Variants in ANO8 observed in about 807,000 individuals in gnomAD.
ANO8 encodes anoctamin 8, also known as anoctamin-8.
In ANO8, 67 loss-of-function variants were observed where a neutral mutation model predicts 120.4. That is an observed-to-expected ratio of 0.56 (90% CI 0.46 to 0.68). The LOEUF (loss-of-function observed/expected upper bound fraction) is 0.68. Among genes scored for constraint, ANO8 ranks in the 30% least tolerant of loss-of-function variants. The probability of loss-of-function intolerance (pLI) is 0.00; values close to 1 mark genes in which losing one functional copy is unlikely to be tolerated. For missense variants in ANO8, 1,526 were observed against 1,737.6 expected, an observed-to-expected ratio of 0.88 and a Z score of 2.16; for synonymous variants, 727 against 759.2, an observed-to-expected ratio of 0.96 and a Z score of 0.70.
At position 17,327,547 on chromosome 19, in the gene ANO8, A is replaced by G. The variant is rs2074280918; in HGVS notation, c.2441T>C (p.Val814Ala). The G allele has an allele frequency of 6.2e-7, 1 of 1,613,418 alleles. No individual in the cohort carries two copies. The highest frequency in any genetic ancestry group is 8.5e-7 in the Non-Finnish European group (1 of 1,179,874). Residue 814 changes from valine to alanine, a missense_variant, in exon 15 of 18, where the codon GTC (valine) becomes GCC (alanine). Physicochemically the swap from Val to Ala is moderately conservative, Grantham distance 64 (BLOSUM62 0). This residue lies in a region of ANO8 where 77 missense variants were observed against 131.5 expected (regional missense o/e 0.59). Coordinates refer to ENST00000159087, the MANE Select transcript of ANO8 (RefSeq NM_020959.3). ...QWQKVMEAMG[V>A]LAIVVNCYLI... ...GTAGCAGTTGACCACAATCGCTAGGACACCCATGGCCTCCATCACCTTCTG... is the reference window on the plus strand; with the variant it reads ...GTAGCAGTTGACCACAATCGCTAGGGCACCCATGGCCTCCATCACCTTCTG...
Position 17,330,874 on chromosome 19 carries a change from A to G in ANO8, c.947T>C (p.Leu316Pro). 6.2e-7 allele frequency: 1 copy of G among 1,614,124 alleles called. No homozygotes were observed. Among genetic ancestry groups the G allele is most frequent in the African/African-American group, 1.3e-5 (1 of 75,030 alleles). ...GAELAYKWGTLDSPGEAVEEP... is the reference protein window; with the variant it reads ...GAELAYKWGTPDSPGEAVEEP... ...CTCCACGGCTTCCCCAGGTGAGTCC[A>G]GCGTCCCCCACTTATATGCCAGCTC... Residue 316 changes from leucine (L) to proline (P), a missense_variant, in exon 8 of 18, where the codon CTG (leucine) becomes CCG (proline). Physicochemically the swap from Leu to Pro is moderately conservative, Grantham distance 98 (BLOSUM62 -3). This residue lies in a region of ANO8 where 322 missense variants were observed against 431.8 expected (regional missense o/e 0.75). Coordinates refer to ENST00000159087, the MANE Select transcript of ANO8 (RefSeq NM_020959.3).
chr19:17,332,541 A>T (rs772856808), intron 5 of ANO8, among the ~76,000 whole-genome samples: 1 of 152,146 alleles, frequency 6.6e-6, no homozygotes, highest in Non-Finnish European at 1.5e-5. Context: ...CTGTAAGTGG[A>T]GTGCTGTCCA....
chr19:17,333,631 G>T lies in ANO8; in HGVS notation c.217+59C>A. ...CTCCTACGTATTCCCGTTCTGGGAA[G>T]CCGAGCTCAGGAGAGCCGCATCTGG... On this transcript the variant is annotated intron_variant, in intron 2 of 17. Coordinates refer to ENST00000159087, the MANE Select transcript of ANO8 (RefSeq NM_020959.3). The surrounding 1 kb of genome is among the most constrained non-coding windows in gnomAD (Gnocchi z 7.2). 4 of 1,516,610 alleles carry T rather than the reference G, an allele frequency of 2.6e-6. No individual in the cohort carries two copies. The highest frequency in any genetic ancestry group is 2.7e-6 in the Non-Finnish European group (3 of 1,120,570). 93.9% of individuals were successfully genotyped at this position (1,516,610 alleles called of 1,614,324 possible).
In ANO8 at chr19:17,325,321, C is replaced by T. The variant is rs1296364619; in HGVS notation, c.2727G>A (p.Glu909=). 1.4e-5 allele frequency: 22 copies of T among 1,603,262 alleles called. No individual in the cohort carries two copies. The highest frequency in any genetic ancestry group is 2.2e-5 in the East Asian group (1 of 44,860). The stretch of plus-strand genomic sequence containing the variant: ...CATGGTGCTCTGCATGGCGCTGTCG[C>T]TCCTCCTCCTCCCGCCGCCTGCGCT... The part of the protein sequence containing the change: ...QQQRRRREEE[E]RQRHAEHHAR... Residue 909 remains glutamate (E), a synonymous_variant, in exon 17 of 18, where the codon GAG becomes GAA. Coordinates refer to ENST00000159087, the MANE Select transcript of ANO8 (RefSeq NM_020959.3).
At position 17,325,038 on chromosome 19, in the gene ANO8, C is replaced by T; in HGVS notation, c.3010G>A (p.Ala1004Thr). The change falls in exon 17 of 18, where the codon GCC becomes ACC. Residue 1004 changes from alanine to threonine, a missense_variant. Ala to Thr is a moderately conservative substitution (Grantham distance 58). Around this residue, in one of 8 missense-constraint regions of ANO8, gnomAD observed 489 missense variants for 548.6 expected, o/e 0.89. Coordinates refer to ENST00000159087, the MANE Select transcript of ANO8 (RefSeq NM_020959.3). ...TGGGCAGGGGGAGGCCGGGTGGTGG[C>T]TCCGGCCCCTGCAGCAGCCAGTGAG... ...TSSLAAAGAG[A>T]TTRPPPAQSP... The T allele has an allele frequency of 6.2e-7, 1 of 1,612,954 alleles. No homozygotes were observed. Among genetic ancestry groups the T allele is most frequent in the Non-Finnish European group, 8.5e-7 (1 of 1,179,860 alleles).
rs200087262 is a variant in ANO8, at chr19:17,333,658, C to A, written c.217+32G>T. On this transcript the variant is annotated intron_variant, in intron 2 of 17. Transcript: ENST00000159087. This position sits in a 1 kb window ranked among gnomAD's most constrained non-coding sequence, Gnocchi z 7.2. ...CGAGCTCAGGAGAGCCGCATCTGGG[C>A]ACTGGGCGGGCGGGCGGGCGGGCTT... is the stretch of plus-strand genomic sequence containing the variant. 4 of 412,998 alleles carry A rather than the reference C, an allele frequency of 9.7e-6. No homozygotes were observed. The highest frequency in any genetic ancestry group is 1.4e-5 in the Non-Finnish European group (4 of 281,750). The allele number at this position is 412,998 out of a possible 1,614,324, so 25.6% of individuals were successfully genotyped here.
rs751871428 is a variant in ANO8, at chr19:17,333,117, C to T, written c.473G>A (p.Arg158His). The T allele has an allele frequency of 2.5e-6, 4 of 1,614,014 alleles. No individual in the cohort carries two copies. In the East Asian group the frequency reaches 8.9e-5, roughly 36 times the overall value. The change falls in exon 4 of 18, where the codon CGC becomes CAC. Residue 158 changes from arginine (R) to histidine (H), a missense_variant. Around this residue, in one of 8 missense-constraint regions of ANO8, gnomAD observed 322 missense variants for 431.8 expected, o/e 0.75. Coordinates refer to ENST00000159087, the MANE Select transcript of ANO8 (RefSeq NM_020959.3). The surrounding 1 kb of genome is among the most constrained non-coding windows in gnomAD (Gnocchi z 7.2). Reference sequence around the variant, plus strand: ...CGGCCTCACCTGGGAGGTGAAGAAGCGTAGCTCGCTCTCCACATTCTCATA... The same window carrying T: ...CGGCCTCACCTGGGAGGTGAAGAAGTGTAGCTCGCTCTCCACATTCTCATA... The part of the protein sequence containing the change: ...FIYENVESEL[R>H]FFTSQERQSI...
Position 17,331,139 on chromosome 19 carries a change from T to C in ANO8, c.780A>G (p.Val260=). 6.2e-7 allele frequency: 1 copy of C among 1,614,214 alleles called. No individual in the cohort carries two copies. The highest frequency in any genetic ancestry group is 2.2e-5 in the East Asian group (1 of 44,880). ...AWLGFYTSAM[V]YPAVFGSVLY... is the part of the protein sequence containing the mutation. ...GGACAGACCCGAAGACAGCTGGGTA[T>C]ACCATAGCCGACGTGTAGAAGCCCA... Residue 260 remains valine (V), a synonymous_variant, in exon 7 of 18, where the codon GTA becomes GTG. Transcript: ENST00000159087.
At chr19:17,330,053 C>G in intron 10 of ANO8, 39 bp from the exon 11 acceptor site, 1 of 1,613,762 alleles carries the variant, frequency 6.2e-7, no homozygotes, top group South Asian at 1.1e-5. Context: ...CAGCCGCGGT[C>G]CCCCCAAGGG....
In ANO8 at chr19:17,328,259, C is replaced by T. The variant is rs761174039; in HGVS notation, c.2129G>A (p.Arg710Lys). ...GSNSDSTRRQ[R>K]RQNRSSWIDP... is the part of the protein sequence containing the mutation. ...AATCCAAGACGACCGGTTCTGCCGT[C>T]TCTGCCTACGGGTCGAATCGCTGTT... The change falls in exon 13 of 18, where the codon AGA becomes AAA. Residue 710 changes from arginine to lysine, a missense_variant. Transcript: ENST00000159087. 6.2e-7 allele frequency: 1 copy of T among 1,611,510 alleles called. No individual in the cohort carries two copies. Among genetic ancestry groups the T allele is most frequent in the Non-Finnish European group, 8.5e-7 (1 of 1,179,088 alleles).
Position 17,324,885 on chromosome 19 carries a change from A to G in ANO8, c.3163T>C (p.Phe1055Leu). The G allele has an allele frequency of 6.2e-7, 1 of 1,613,342 alleles. No individual in the cohort carries two copies. The highest frequency in any genetic ancestry group is 8.5e-7 in the Non-Finnish European group (1 of 1,179,816). Reference sequence around the variant, plus strand: ...TCAGCCCGGGTGCCACCAAAGGGGAAGAGCTTGCCAGCATGGAAGGCTTTG... The same window carrying G: ...TCAGCCCGGGTGCCACCAAAGGGGAGGAGCTTGCCAGCATGGAAGGCTTTG... Reference protein sequence around the residue: ...PPKAFHAGKLFPFGGTRAEPG... With the variant: ...PPKAFHAGKLLPFGGTRAEPG... Residue 1055 changes from phenylalanine to leucine, a missense_variant, in exon 17 of 18, where the codon TTC (phenylalanine) becomes CTC (leucine). By Grantham distance (22) the Phe-to-Leu change is conservative. Coordinates refer to ENST00000159087, the MANE Select transcript of ANO8 (RefSeq NM_020959.3).
intron 5 of ANO8, among the ~76,000 whole-genome samples, chr19:17,332,649 C>A (rs985826286): frequency 6.6e-6 from 1 of 152,200 alleles, no homozygotes; most frequent in Non-Finnish European, 1.5e-5. Flanking sequence ...GCCTCGCCCC[C>A]TCAGCTCATT....
chr19:17,330,070 G>A, intron 10 of ANO8, 55 bp downstream of exon 10: 2 of 1,613,886 alleles, frequency 1.2e-6, no homozygotes, highest in South Asian at 1.1e-5. Context: ...AGGGTGGCAG[G>A]GATCCCAAGG....
chr19:17,325,570 T>A (rs545136322), intron 16 of ANO8, among the ~76,000 whole-genome samples, 184 bp from the exon 17 acceptor site: 1 of 152,300 alleles, frequency 6.6e-6, no homozygotes, highest in African/African-American at 2.4e-5. Flanking sequence ...GCCAATCACT[T>A]ATTGGGTGCA....
chr19:17,327,280 G>C lies in ANO8; in HGVS notation c.2616C>G (p.Ala872=), dbSNP rs886936537. The C allele has an allele frequency of 5.2e-6, 8 of 1,548,828 alleles. No individual in the cohort carries two copies. In the Admixed American group the frequency reaches 9.8e-5, roughly 19 times the overall value. ...VAIPDIPGWV[A]EEMAKLEYQR... is the part of the protein sequence containing the mutation. Reference sequence around the variant, plus strand: ...GGTACTCCAGCTTGGCCATTTCCTCGGCCACCCAGCCCGGGATATCGGGGA... The same window carrying C: ...GGTACTCCAGCTTGGCCATTTCCTCCGCCACCCAGCCCGGGATATCGGGGA... The change falls in exon 16 of 18, where the codon GCC becomes GCG. Residue 872 remains alanine (A), a synonymous_variant. Transcript: ENST00000159087.
rs2074253827 is a variant in ANO8, at chr19:17,323,722, CG to C, written c.3493del (p.Arg1165AlafsTer154). On this transcript the variant is annotated frameshift_variant, in exon 18 of 18. Transcript: ENST00000159087. LOFTEE classifies it low-confidence loss of function (END_TRUNC). ...WGCGGEGAAPRQALAAAECPP... is the reference protein window; with the variant it reads ...WGCGGEGAAPXQALAAAECPP... ...GCACTCGGCAGCGGCCAGGGCCTGGCGGGGGGCGGCACCCTCGCCCCCGCAG... is the reference window on the plus strand; with the variant it reads ...GCACTCGGCAGCGGCCAGGGCCTGGCGGGGGCGGCACCCTCGCCCCCGCAG... 2.7e-6 allele frequency: 3 copies of C among 1,116,096 alleles called. No homozygotes were observed. The highest frequency in any genetic ancestry group is 4.2e-5 in the East Asian group (1 of 23,538). 69.1% of individuals were successfully genotyped at this position (1,116,096 alleles called of 1,614,324 possible).
At position 17,334,740 on chromosome 19, in the gene ANO8, G is replaced by A; in HGVS notation, c.-70C>T. The A allele has an allele frequency of 2.3e-6, 3 of 1,278,736 alleles. 1 individual carries two copies. In the South Asian group the frequency reaches 5.4e-5, roughly 23 times the overall value. The allele number at this position is 1,278,736 out of a possible 1,614,324, so 79.2% of individuals were successfully genotyped here. Reference sequence around the variant, plus strand: ...GGGGAGCCGCGGGCTCATGGGGCCGGTGCAGCCGCGGAGCGCGCGGGAGGA... The same window carrying A: ...GGGGAGCCGCGGGCTCATGGGGCCGATGCAGCCGCGGAGCGCGCGGGAGGA... On this transcript the variant is annotated 5_prime_UTR_variant, in exon 1 of 18. Transcript: ENST00000159087.
chr19:17,327,165 G>T, intron 16 of ANO8, 70 bp downstream of exon 16: 2 of 1,312,758 alleles, frequency 1.5e-6, no homozygotes, highest in South Asian at 1.4e-5. Context: ...CTAAGGAATT[G>T]GCCACCAAGA....
chr19:17,334,747 C>A lies in ANO8; in HGVS notation c.-77G>T. Reference sequence around the variant, plus strand: ...CGCGGGCTCATGGGGCCGGTGCAGCCGCGGAGCGCGCGGGAGGAGGAGACA... The same window carrying A: ...CGCGGGCTCATGGGGCCGGTGCAGCAGCGGAGCGCGCGGGAGGAGGAGACA... On this transcript the variant is annotated 5_prime_UTR_variant, in exon 1 of 18. Transcript: ENST00000159087. 8.0e-7 allele frequency: 1 copy of A among 1,249,378 alleles called. No homozygotes were observed. Among genetic ancestry groups the A allele is most frequent in the Non-Finnish European group, 1.0e-6 (1 of 961,736 alleles). The allele number at this position is 1,249,378 out of a possible 1,614,324, so 77.4% of individuals were successfully genotyped here.
Sources: allele counts gnomAD v4.1 joint callset (sites outside exome capture counted in the v4.1 genomes callset), GRCh38; gene constraint gnomAD v4.1.1; regional missense constraint gnomAD v4.1.1; non-coding constraint Gnocchi (gnomAD v3.1); transcripts MANE v1.5; gene names NCBI Gene and HGNC (gene_info 2026-07-23, HGNC 2026-07-21).